Variants in KIF13B observed in about 807,000 individuals in gnomAD.
KIF13B encodes kinesin family member 13B, also known as kinesin-like protein KIF13B.
Under a neutral mutation model 222.0 loss-of-function variants are expected in KIF13B, and 127 were observed. That is an observed-to-expected ratio of 0.57 (90% confidence interval 0.50 to 0.66). The LOEUF is 0.66. Among genes scored for constraint, KIF13B ranks in the 30% least tolerant of loss-of-function variants. KIF13B has a pLI of 0.00. For synonymous variants in KIF13B, 976 were observed against 919.0 expected, an observed-to-expected ratio of 1.06 and a Z score of -1.12; for missense variants, 2,173 against 2,379.0, an observed-to-expected ratio of 0.91 and a Z score of 1.80.
intron 26 of KIF13B, 97 bp downstream of exon 26, chr8:29,126,385 T>C (rs1810110261): frequency 2.4e-6 from 2 of 817,282 alleles, no homozygotes; most frequent in Admixed American, 5.0e-5. Flanking sequence ...GTATGAATTG[T>C]TTAATCCTTA....
intron 25 of KIF13B, 94 bp from the exon 26 acceptor site, chr8:29,126,605 A>T: frequency 1.3e-6 from 1 of 777,702 alleles, no homozygotes; most frequent in Admixed American, 2.3e-5. Context: ...CATAATTTAT[A>T]TTTTCCAATT....
At chr8:29,185,131 A>G (rs1812872477) in intron 6 of KIF13B, among the ~76,000 whole-genome samples, 2 of 152,004 alleles carry the variant, frequency 1.3e-5, no homozygotes, top group Non-Finnish European at 2.9e-5. Context: ...CTCTCCGACC[A>G]CACTGAACTG....
intron 2 of KIF13B, among the ~76,000 whole-genome samples, chr8:29,240,012 G>T (rs987143605): frequency 3.8e-5 from 2 of 52,842 alleles, no homozygotes; most frequent in Admixed American, 1.9e-4. Flanking sequence ...GAATCTAAAA[G>T]AAAAAAAAAA....
intron 2 of KIF13B, among the ~76,000 whole-genome samples, chr8:29,212,749 C>T (rs754246715): frequency 6.6e-6 from 1 of 151,210 alleles, no homozygotes; most frequent in Non-Finnish European, 1.5e-5. Context: ...GTAAACTTCA[C>T]ATTTAATACT....
chr8:29,160,557 T>C (rs573476800), intron 13 of KIF13B, among the ~76,000 whole-genome samples, 176 bp downstream of exon 13: 14 of 151,652 alleles, frequency 9.2e-5, no homozygotes, highest in South Asian at 8.3e-4. Context: ...TTTTTTTATA[T>C]TGTCAGGTTG....
chr8:29,104,364 G>C (rs1172239953), intron 35 of KIF13B, among the ~76,000 whole-genome samples: 1 of 152,034 alleles, frequency 6.6e-6, no homozygotes, highest in Non-Finnish European at 1.5e-5. Flanking sequence ...CACATACTTG[G>C]CCTCTGCAGG....
chr8:29,217,624 C>A (rs999273181), intron 2 of KIF13B, among the ~76,000 whole-genome samples: 2 of 152,166 alleles, frequency 1.3e-5, no homozygotes, highest in Non-Finnish European at 2.9e-5. Flanking sequence ...GGGAGCTGAA[C>A]AAAGAGAAAG....
chr8:29,096,795 T>C (rs147624368), intron 36 of KIF13B, among the ~76,000 whole-genome samples: 61 of 151,602 alleles, frequency 4.0e-4, no homozygotes, highest in African/African-American at 1.4e-3. Flanking sequence ...CCAAGTAGGG[T>C]TTCTGAGCAA....
chr8:29,228,941 C>A (rs899992753), intron 2 of KIF13B, among the ~76,000 whole-genome samples: 10 of 152,030 alleles, frequency 6.6e-5, no homozygotes, highest in African/African-American at 2.2e-4. Flanking sequence ...AAGGCTGGAA[C>A]CAAATTCTCT....
intron 37 of KIF13B, among the ~76,000 whole-genome samples, chr8:29,078,285 C>CA (rs1410209801): frequency 1.5e-5 from 2 of 130,358 alleles, no homozygotes; most frequent in Non-Finnish European, 3.2e-5. Flanking sequence ...CCAACAATAG[C>CA]AAAACTCCAT....
At chr8:29,148,865 C>T (rs1811178518) in intron 15 of KIF13B, 98 bp from the exon 16 acceptor site, 1 of 899,620 alleles carries the variant, frequency 1.1e-6, no homozygotes, top group Non-Finnish European at 1.7e-6. Flanking sequence ...AAGTGGATAC[C>T]ATGTAAGTAC....
chr8:29,124,191 A>C (rs1250754515), intron 26 of KIF13B, 68 bp from the exon 27 acceptor site: 1 of 929,662 alleles, frequency 1.1e-6, no homozygotes, highest in African/African-American at 1.6e-5. Context: ...CTGATGCTCT[A>C]TCTTACCTTG....
At chr8:29,123,542 ATC>A in intron 27 of KIF13B, 50 bp from the exon 28 acceptor site, 1 of 1,608,216 alleles carries the variant, frequency 6.2e-7, no homozygotes, top group Non-Finnish European at 8.5e-7. Flanking sequence ...CTTGCCATTT[ATC>A]TTTTTGTCCT....
chr8:29,105,020 G>A (rs1013336855), intron 35 of KIF13B, among the ~76,000 whole-genome samples: 1 of 151,742 alleles, frequency 6.6e-6, no homozygotes. Flanking sequence ...AGGCTGGAGT[G>A]CAATGGTGCA....
At chr8:29,233,211 A>C (rs1480138151) in intron 2 of KIF13B, among the ~76,000 whole-genome samples, 3 of 152,172 alleles carry the variant, frequency 2.0e-5, no homozygotes, top group Non-Finnish European at 2.9e-5. Flanking sequence ...TGGTTCTTCA[A>C]ATCCTGTTCC....
chr8:29,111,699 A>G (rs1809362843), intron 32 of KIF13B, among the ~76,000 whole-genome samples: 1 of 152,192 alleles, frequency 6.6e-6, no homozygotes, highest in African/African-American at 2.4e-5. Context: ...AGGAAAAGGG[A>G]GGGGAAATGG....
intron 2 of KIF13B, among the ~76,000 whole-genome samples, chr8:29,220,089 T>C (rs1313594648): frequency 3.3e-5 from 5 of 152,014 alleles, no homozygotes; most frequent in Admixed American, 3.3e-4. Context: ...GAAATGAAAG[T>C]GATGATGATG....
At chr8:29,170,438 T>A (rs1476404822) in intron 10 of KIF13B, among the ~76,000 whole-genome samples, 1 of 152,164 alleles carries the variant, frequency 6.6e-6, no homozygotes, top group Non-Finnish European at 1.5e-5. Flanking sequence ...AGTAATACTA[T>A]ATAACAAGGA....
chr8:29,072,386 G>A, intron 38 of KIF13B, 70 bp from the exon 39 acceptor site: 14 of 1,134,812 alleles, frequency 1.2e-5, no homozygotes, highest in Non-Finnish European at 1.6e-5. Flanking sequence ...AGGCAGCTTT[G>A]ACTTGGAAAA....
Sources: gnomAD v4.1 joint callset for allele counts (sites outside exome capture counted in the v4.1 genomes callset) on GRCh38, gnomAD v4.1.1 for gene constraint, MANE v1.5 for transcripts, NCBI Gene and HGNC (gene_info 2026-07-23, HGNC 2026-07-21) for gene names.